The following DTNA variants were observed in gnomAD, a reference collection of about 807,000 sequenced individuals.
DTNA encodes the protein dystrobrevin alpha.
DTNA carries 43 observed loss-of-function variants against 100.7 expected under a neutral mutation model. That is an observed-to-expected ratio of 0.43 (90% CI 0.33 to 0.55). The LOEUF is 0.55. Ranked by LOEUF, DTNA falls within the 20% of genes least tolerant of loss-of-function variation. DTNA has a pLI of 0.04. For synonymous variants in DTNA, 349 were observed against 347.9 expected (o/e 1.00, Z -0.04); for missense variants, 798 against 953.9 (o/e 0.84, Z 2.15).
rs2095712767 is a variant in DTNA at position 34,821,369 on chromosome 18, AAGCT to A, written c.1001+455_1001+458del. 4.8e-5 allele frequency: 21 copies of A among 441,996 alleles called. 1 individual carries two copies. Among genetic ancestry groups the A allele is most frequent in the South Asian group, 3.4e-4 (21 of 61,572 alleles). The allele number at this position is 441,996 out of a possible 1,614,324, so 27.4% of individuals were successfully genotyped here. ...AGAAATTACTTTTGTTTTTCATCCC[AAGCT>A]GTATAACTTTAGAAGAATCATAGCC... On this transcript the variant is annotated intron_variant, in intron 9 of 22. Transcript: ENST00000444659.
At chr18:34,526,566 A>G (rs192863208) in intron 1 of DTNA, among the ~76,000 whole-genome samples, 104 of 152,252 alleles carry the variant, frequency 6.8e-4, no homozygotes, top group Non-Finnish European at 1.0e-3. Flanking sequence ...TATTAGAATT[A>G]ATGAATAACA....
At chr18:34,711,934 G>A (rs1269230280) in intron 1 of DTNA, among the ~76,000 whole-genome samples, 1 of 151,814 alleles carries the variant, frequency 6.6e-6, no homozygotes, top group African/African-American at 2.4e-5. Context: ...TTTTCCCTTT[G>A]TTGTTTGAGT....
At chr18:34,498,045 C>G (rs1384116875) in intron 1 of DTNA, among the ~76,000 whole-genome samples, 4 of 152,018 alleles carry the variant, frequency 2.6e-5, no homozygotes, top group African/African-American at 9.7e-5. Context: ...CTTTGGGAGG[C>G]CAAGGTGGAT....
In DTNA at chr18:34,595,057, G is replaced by A. The variant is rs1288079016; in HGVS notation, c.-2+101543G>A. Among the ~76,000 whole-genome samples the A allele has an allele frequency of 2.6e-5, 4 of 151,888 alleles. No individual in the cohort carries two copies. In the East Asian group the frequency reaches 7.7e-4, roughly 29 times the overall value. On this transcript the variant is annotated intron_variant, in intron 1 of 19. Coordinates refer to the DTNA transcript ENST00000283365. ...TACTTATAATTAACCCCTTTAGGTT[G>A]CAAGCAATTGCAATTAATTTTCATT...
intron 1 of DTNA, among the ~76,000 whole-genome samples, chr18:34,573,114 T>C (rs149572737): frequency 1.3e-5 from 2 of 152,346 alleles, no homozygotes; most frequent in African/African-American, 4.8e-5. Flanking sequence ...TCTGCTCCCA[T>C]GTCACATATA....
intron 1 of DTNA, among the ~76,000 whole-genome samples, chr18:34,611,932 G>A (rs917637351): frequency 3.3e-5 from 5 of 152,222 alleles, no homozygotes; most frequent in African/African-American, 9.7e-5. Context: ...AGCTGGGCTG[G>A]TGGCACTGGG....
intron 1 of DTNA, among the ~76,000 whole-genome samples, chr18:34,581,808 G>C (rs1006368146): frequency 1.3e-5 from 2 of 151,862 alleles, no homozygotes; most frequent in African/African-American, 4.8e-5. Context: ...AATTTTAATA[G>C]AGACAGGGTT....
chr18:34,595,997 C>A (rs2050522538), intron 1 of DTNA, among the ~76,000 whole-genome samples: 1 of 152,150 alleles, frequency 6.6e-6, no homozygotes, highest in Non-Finnish European at 1.5e-5. Flanking sequence ...ATTAAAGCCC[C>A]ACCTGAGGGC....
chr18:34,786,175 C>T (rs1034964885), intron 3 of DTNA, among the ~76,000 whole-genome samples: 1 of 152,138 alleles, frequency 6.6e-6, no homozygotes, highest in Admixed American at 6.6e-5. Context: ...TGCTTATATG[C>T]GTGTTCATCT....
chr18:34,881,575 A>G (rs1266402581), intron 20 of DTNA, among the ~76,000 whole-genome samples: 1 of 151,030 alleles, frequency 6.6e-6, no homozygotes, highest in Admixed American at 6.6e-5. Flanking sequence ...GTATGCATGC[A>G]TATGTGTATG....
At chr18:34,679,244 G>A (rs1050208764) in intron 1 of DTNA, among the ~76,000 whole-genome samples, 4 of 152,078 alleles carry the variant, frequency 2.6e-5, no homozygotes, top group African/African-American at 4.8e-5. Flanking sequence ...GGAACTCACT[G>A]TCCTCATCTG....
intron 1 of DTNA, among the ~76,000 whole-genome samples, chr18:34,620,655 A>T (rs1416487624): frequency 6.6e-6 from 1 of 152,206 alleles, no homozygotes; most frequent in Admixed American, 6.5e-5. Context: ...AAGCAGGCAC[A>T]TCTCACATGC....
intron 21 of DTNA, 24 bp from the exon 22 acceptor site, chr18:34,884,704 G>A (rs375408669): frequency 3.7e-5 from 59 of 1,613,854 alleles, no homozygotes; most frequent in South Asian, 2.0e-4. Context: ...CACCTTTCTC[G>A]TTTGTGTCCT....
At chr18:34,791,557 T>G (rs969785857) in intron 3 of DTNA, among the ~76,000 whole-genome samples, 1 of 152,226 alleles carries the variant, frequency 6.6e-6, no homozygotes, top group Non-Finnish European at 1.5e-5. Context: ...TGGGAGTGTT[T>G]TGCTTGCTAG....
At chr18:34,863,674 T>C (rs2096658831) in intron 16 of DTNA, among the ~76,000 whole-genome samples, 1 of 152,190 alleles carries the variant, frequency 6.6e-6, no homozygotes, top group Admixed American at 6.5e-5. Flanking sequence ...GCCCACTACA[T>C]AGTAAGCATT....
At chr18:34,838,195 G>A (rs2096194744) in intron 12 of DTNA, 24 bp downstream of exon 12, 1 of 1,611,928 alleles carries the variant, frequency 6.2e-7, no homozygotes, top group South Asian at 1.1e-5. Flanking sequence ...AGAGTGTACT[G>A]GAACCCTGCA....
intron 1 of DTNA, among the ~76,000 whole-genome samples, chr18:34,523,143 T>C (rs546931467): frequency 6.6e-6 from 1 of 152,320 alleles, no homozygotes; most frequent in Admixed American, 6.5e-5. Flanking sequence ...TTTTCACTTG[T>C]ACATCATGAG....
chr18:34,551,155 A>G (rs755099259), intron 1 of DTNA, among the ~76,000 whole-genome samples: 3 of 152,192 alleles, frequency 2.0e-5, no homozygotes, highest in East Asian at 1.9e-4. Flanking sequence ...CTTGTCAACC[A>G]TAAAGAGAAA....
In DTNA at chr18:34,875,418, G is replaced by C; in HGVS notation, c.1903+20G>C. 1.2e-6 allele frequency: 2 copies of C among 1,613,966 alleles called. No homozygotes were observed. The highest frequency in any genetic ancestry group is 8.5e-7 in the Non-Finnish European group (1 of 1,180,026). On this transcript the variant is annotated intron_variant, in intron 18 of 22. Transcript: ENST00000444659. ...CACAAAGTAAGTGGCTTTATTTTTT[G>C]TTGTGGTCTGCTTTTATGTGGCAAA...
Sources: gnomAD v4.1 joint callset for allele counts (sites outside exome capture counted in the v4.1 genomes callset) on GRCh38, gnomAD v4.1.1 for gene constraint, MANE v1.5 for transcripts, NCBI Gene and HGNC (gene_info 2026-07-23, HGNC 2026-07-21) for gene names.